SGCD: variants seen among roughly 807,000 people sequenced by gnomAD.
The protein encoded by SGCD is sarcoglycan delta.
SGCD carries 18 observed loss-of-function variants against 36.6 expected under a neutral mutation model. That is an observed-to-expected ratio of 0.49 (90% CI 0.34 to 0.73). SGCD has a LOEUF of 0.73. Ranked by LOEUF, SGCD falls within the 30% of genes least tolerant of loss-of-function variation. SGCD has a pLI of 0.01. For missense variants in SGCD, 387 were observed against 346.7 expected, an observed-to-expected ratio of 1.12 and a Z score of -0.92; for synonymous variants, 133 against 130.6, an observed-to-expected ratio of 1.02 and a Z score of -0.12.
intron 5 of SGCD, among the ~76,000 whole-genome samples, chr5:156,590,590 C>T (rs1760687791): frequency 6.6e-6 from 1 of 152,116 alleles, no homozygotes; most frequent in Non-Finnish European, 1.5e-5. Flanking sequence ...ACCTCCAGCT[C>T]CCAGATTTTC....
At chr5:156,745,804 T>A (rs929209265) in intron 7 of SGCD, among the ~76,000 whole-genome samples, 1 of 151,992 alleles carries the variant, frequency 6.6e-6, no homozygotes, top group Admixed American at 6.6e-5. Context: ...TTCCAATGAA[T>A]ATGAGAAATA....
Position 156,401,126 on chromosome 5 carries a change from A to T in SGCD, c.192+56449A>T, listed in dbSNP as rs2127762422. 1.3e-5 allele frequency among the ~76,000 whole-genome samples: 2 copies of T among 152,354 alleles called. 1 individual carries two copies. The highest frequency in any genetic ancestry group is 6.8e-3 in the Middle Eastern group (2 of 294). On this transcript the variant is annotated intron_variant, in intron 3 of 8. Coordinates refer to ENST00000337851, the MANE Select transcript of SGCD (RefSeq NM_000337.6). ...CATACACATGAAGTGATTAGAGCAG[A>T]GGTTTCCAAATTGCACAGTAACTTA...
At chr5:156,208,505 G>A (rs1303678659) in intron 3 of SGCD, among the ~76,000 whole-genome samples, 1 of 152,154 alleles carries the variant, frequency 6.6e-6, no homozygotes, top group African/African-American at 2.4e-5. Flanking sequence ...ATGAGGATGT[G>A]GGTGATATAG....
At chr5:156,249,588 T>C (rs1765524713) in intron 3 of SGCD, among the ~76,000 whole-genome samples, 1 of 152,202 alleles carries the variant, frequency 6.6e-6, no homozygotes, top group Admixed American at 6.5e-5. Context: ...TAGAAGACTT[T>C]ACTTCAAGTC....
intron 1 of SGCD, among the ~76,000 whole-genome samples, chr5:155,889,318 C>T (rs1280890648): frequency 6.6e-6 from 1 of 151,854 alleles, no homozygotes; most frequent in East Asian, 1.9e-4. Flanking sequence ...TCTTTGTAGG[C>T]TTGGGCTTTT....
chr5:155,939,487 T>A (rs1757279987), intron 1 of SGCD, among the ~76,000 whole-genome samples: 2 of 150,926 alleles, frequency 1.3e-5, no homozygotes, highest in African/African-American at 4.9e-5. Flanking sequence ...CTAAAAAAAA[T>A]ACAAAAATTA....
At chr5:156,750,355 T>C (rs1163342856) in intron 7 of SGCD, among the ~76,000 whole-genome samples, 2 of 152,102 alleles carry the variant, frequency 1.3e-5, no homozygotes, top group Non-Finnish European at 2.9e-5. Flanking sequence ...TATTGTATGG[T>C]TCTAGACAGT....
At chr5:156,048,456 C>G (rs974781464) in intron 1 of SGCD, among the ~76,000 whole-genome samples, 1 of 152,158 alleles carries the variant, frequency 6.6e-6, no homozygotes, top group Admixed American at 6.6e-5. Flanking sequence ...CAAAGTGTTC[C>G]TATTTCTCCA....
At chr5:156,423,244 T>TAA (rs1773448794) in intron 3 of SGCD, among the ~76,000 whole-genome samples, 1 of 2,780 alleles carries the variant, frequency 3.6e-4, no homozygotes, top group Non-Finnish European at 6.9e-4. Context: ...ATATTATATT[T>TAA]TATAATATTA....
Position 156,052,631 on chromosome 5 carries a change from G to C in SGCD, c.-281-65247G>C, listed in dbSNP as rs973037880. ...AGTTTGCAGATAGAAAATATATGTC[G>C]TATAAATGAGGACTCCTAGCAGGGC... On this transcript the variant is annotated intron_variant, in intron 1 of 9. Transcript: ENST00000517913. 6.2e-5 allele frequency among the ~76,000 whole-genome samples: 9 copies of C among 145,692 alleles called. 1 individual carries two copies. Among genetic ancestry groups the C allele is most frequent in the Non-Finnish European group, 1.5e-5 (1 of 64,660 alleles).
intron 1 of SGCD, among the ~76,000 whole-genome samples, chr5:155,955,764 T>TAAC (rs920078105): frequency 3.3e-5 from 5 of 151,998 alleles, no homozygotes; most frequent in African/African-American, 1.2e-4. Flanking sequence ...GTTGTTAGAG[T>TAAC]AACAGATTAT....
chr5:156,511,266 AATCCGTAAGTC>A (rs1388635272), intron 4 of SGCD, among the ~76,000 whole-genome samples: 1 of 152,336 alleles, frequency 6.6e-6, no homozygotes, highest in East Asian at 1.9e-4. Context: ...TACATAATAA[AATCCGTAAGTC>A]ATGTGAGCTC....
Position 156,765,526 on chromosome 5 carries a change from G to A in SGCD, c.*6136G>A, listed in dbSNP as rs1220069338. ...GGATCTGAAGCTACCCGAAGACATGGGAAGAGTTGTATTCTATTATTCAAT... is the reference window on the plus strand; with the variant it reads ...GGATCTGAAGCTACCCGAAGACATGAGAAGAGTTGTATTCTATTATTCAAT... On this transcript the variant is annotated 3_prime_UTR_variant, in exon 9 of 9. Coordinates refer to ENST00000337851, the MANE Select transcript of SGCD (RefSeq NM_000337.6). 1 of 152,114 alleles carries A rather than the reference G, an allele frequency of 6.6e-6. No homozygotes were observed. The highest frequency in any genetic ancestry group is 1.5e-5 in the Non-Finnish European group (1 of 68,012). 9.4% of individuals were successfully genotyped at this position (152,114 alleles called of 1,614,324 possible).
At chr5:156,081,066 G>C (rs1198318349) in intron 1 of SGCD, among the ~76,000 whole-genome samples, 3 of 152,206 alleles carry the variant, frequency 2.0e-5, no homozygotes, top group African/African-American at 7.2e-5. Context: ...GGCTGTACAG[G>C]AGGCATTGTG....
intron 1 of SGCD, among the ~76,000 whole-genome samples, chr5:156,072,842 T>G (rs901286107): frequency 6.6e-6 from 1 of 152,186 alleles, no homozygotes; most frequent in African/African-American, 2.4e-5. Flanking sequence ...TTTTGTTCTT[T>G]TTTCTCTAAA....
At chr5:156,579,044 C>T (rs1265817040) in intron 4 of SGCD, among the ~76,000 whole-genome samples, 3 of 152,120 alleles carry the variant, frequency 2.0e-5, no homozygotes, top group East Asian at 1.9e-4. Context: ...TTCTTGTGGG[C>T]ATTTAGTGCT....
chr5:156,644,798 T>C (rs1011867359), intron 6 of SGCD, among the ~76,000 whole-genome samples: 7 of 152,148 alleles, frequency 4.6e-5, no homozygotes, highest in African/African-American at 1.7e-4. Flanking sequence ...AGGACTAGAT[T>C]TCAGGTCTCT....
At chr5:155,767,048 C>T in the SGCD span, among the ~76,000 whole-genome samples, 1 of 152,202 alleles carries the variant, frequency 6.6e-6, no homozygotes, top group Non-Finnish European at 1.5e-5. Context: ...TGTCCCTATC[C>T]AGGTTACTCT....
At chr5:156,186,900 T>C (rs60536864) in intron 3 of SGCD, among the ~76,000 whole-genome samples, 34,311 of 152,180 alleles carry the variant, frequency 0.23, 4,315 homozygotes, top group East Asian at 0.6. Context: ...TTTTCCCAAG[T>C]CAATGGCCTT....
Sources: gnomAD v4.1 joint callset for allele counts (sites outside exome capture counted in the v4.1 genomes callset) on GRCh38, gnomAD v4.1.1 for gene constraint, MANE v1.5 for transcripts, NCBI Gene and HGNC (gene_info 2026-07-23, HGNC 2026-07-21) for gene names.